Variants in CNTN5 observed in about 807,000 individuals in gnomAD.
CNTN5 encodes contactin-5.
Under a neutral mutation model 129.1 loss-of-function variants are expected in CNTN5, and 77 were observed. The ratio of observed to expected loss-of-function variants is 0.60; its 90% CI spans 0.50 to 0.72. CNTN5 has a LOEUF of 0.72. Ranked by LOEUF, CNTN5 falls within the 30% of genes least tolerant of loss-of-function variation. The probability of loss-of-function intolerance (pLI) is 0.00; values close to 1 mark genes in which losing one functional copy is unlikely to be tolerated. For synonymous variants in CNTN5, 509 were observed against 465.6 expected (o/e 1.09, Z -1.20); for missense variants, 1,478 against 1,328.8 (o/e 1.11, Z -1.75).
intron 9 of CNTN5, among the ~76,000 whole-genome samples, chr11:100,038,837 C>G (rs1044027141): frequency 6.6e-6 from 1 of 152,234 alleles, no homozygotes; most frequent in African/African-American, 2.4e-5. Context: ...CTTCCTCTAT[C>G]CCTTTATTTT....
At chr11:99,562,482 C>T (rs574333842) in intron 3 of CNTN5, among the ~76,000 whole-genome samples, 9 of 152,118 alleles carry the variant, frequency 5.9e-5, no homozygotes, top group East Asian at 3.9e-4. Flanking sequence ...CCTCTACATT[C>T]GTTACAAATA....
intron 2 of CNTN5, among the ~76,000 whole-genome samples, chr11:99,444,043 C>G (rs1322464043): frequency 1.3e-5 from 2 of 151,856 alleles, no homozygotes; most frequent in Non-Finnish European, 2.9e-5. Context: ...ACTAAAAATA[C>G]AAAAATTAGC....
chr11:99,323,640 C>A (rs1305189096), intron 1 of CNTN5, among the ~76,000 whole-genome samples: 1 of 151,778 alleles, frequency 6.6e-6, no homozygotes, highest in African/African-American at 2.4e-5. Context: ...GTAAAAAGAA[C>A]ACAAAATTCT....
Position 99,581,046 on chromosome 11 carries a change from G to A in CNTN5, c.55+24777G>A, listed in dbSNP as rs1402085560. 2.0e-5 allele frequency among the ~76,000 whole-genome samples: 3 copies of A among 148,570 alleles called. No homozygotes were observed. The East Asian group carries it at 5.9e-4, about 29-fold the overall frequency. On this transcript the variant is annotated intron_variant, in intron 3 of 24. Coordinates refer to ENST00000524871, the MANE Select transcript of CNTN5 (RefSeq NM_014361.4). ...GGTATGTTGTGTCTTTGTTCTCGTT[G>A]GTTTCAAAGAACATCTTTATTTCTG...
At chr11:99,198,162 T>G (rs1399040561) in intron 1 of CNTN5, among the ~76,000 whole-genome samples, 1 of 152,068 alleles carries the variant, frequency 6.6e-6, no homozygotes. Flanking sequence ...TTGCTTAAAT[T>G]TCTTTTCTGT....
intron 2 of CNTN5, among the ~76,000 whole-genome samples, chr11:99,341,019 G>A (rs937815382): frequency 1.1e-4 from 17 of 152,100 alleles, no homozygotes; most frequent in South Asian, 2.1e-4. Flanking sequence ...TTGGGTGACC[G>A]AAATACTTGA....
intron 1 of CNTN5, among the ~76,000 whole-genome samples, chr11:99,268,702 G>A (rs1019905264): frequency 6.6e-6 from 1 of 151,932 alleles, no homozygotes; most frequent in African/African-American, 2.4e-5. Context: ...ACAAATATGT[G>A]CTCAAATGTG....
At chr11:99,854,349 C>T (rs764918667) in intron 6 of CNTN5, among the ~76,000 whole-genome samples, 1 of 152,100 alleles carries the variant, frequency 6.6e-6, no homozygotes, top group African/African-American at 2.4e-5. Flanking sequence ...ATTTGCCCTA[C>T]GGGTATACAG....
chr11:99,279,493 T>A (rs1863596230), intron 1 of CNTN5, among the ~76,000 whole-genome samples: 1 of 151,820 alleles, frequency 6.6e-6, no homozygotes, highest in Non-Finnish European at 1.5e-5. Flanking sequence ...TAACTCCTAG[T>A]TCCTGACACT....
At chr11:99,243,207 A>G (rs745695556) in intron 1 of CNTN5, among the ~76,000 whole-genome samples, 1 of 151,986 alleles carries the variant, frequency 6.6e-6, no homozygotes, top group African/African-American at 2.4e-5. Context: ...TGTGGTTTTG[A>G]TTTGCATTGC....
chr11:99,214,665 A>G (rs915800271), intron 1 of CNTN5, among the ~76,000 whole-genome samples: 5 of 152,028 alleles, frequency 3.3e-5, no homozygotes, highest in African/African-American at 1.2e-4. Flanking sequence ...GATGGCTCTT[A>G]ACCAATCTGG....
intron 2 of CNTN5, among the ~76,000 whole-genome samples, chr11:99,422,315 T>A (rs1411985530): frequency 6.6e-6 from 1 of 151,790 alleles, no homozygotes; most frequent in Non-Finnish European, 1.5e-5. Flanking sequence ...AAGCATTTGA[T>A]TAGTATCATT....
chr11:99,778,729 A>G (rs190831813), intron 3 of CNTN5, among the ~76,000 whole-genome samples: 238 of 152,020 alleles, frequency 1.6e-3, no homozygotes, highest in African/African-American at 5.4e-3. Flanking sequence ...AAAAAAAATC[A>G]ATGTATTAAT....
At chr11:99,760,420 TA>T (rs1944540079) in intron 3 of CNTN5, among the ~76,000 whole-genome samples, 1 of 152,110 alleles carries the variant, frequency 6.6e-6, no homozygotes, top group Non-Finnish European at 1.5e-5. Flanking sequence ...ATATATGTTC[TA>T]AAACTGGACT....
intron 15 of CNTN5, among the ~76,000 whole-genome samples, chr11:100,222,199 CA>C (rs1949278875): frequency 6.6e-6 from 1 of 152,232 alleles, no homozygotes; most frequent in African/African-American, 2.4e-5. Flanking sequence ...TTTAACTCCT[CA>C]AATGGTCTTG....
chr11:99,497,423 C>CA (rs1946267637), intron 2 of CNTN5, among the ~76,000 whole-genome samples: 1 of 152,094 alleles, frequency 6.6e-6, no homozygotes, highest in South Asian at 2.1e-4. Context: ...GCTGAAGCCA[C>CA]AAAAAAGCTA....
intron 1 of CNTN5, among the ~76,000 whole-genome samples, chr11:99,199,745 A>G (rs1486508752): frequency 2.0e-5 from 3 of 152,210 alleles, no homozygotes; most frequent in African/African-American, 7.2e-5. Context: ...TAGCCAAACA[A>G]TTGGTTAGCT....
At chr11:100,022,460 A>G (rs1029610112) in intron 9 of CNTN5, among the ~76,000 whole-genome samples, 1 of 152,032 alleles carries the variant, frequency 6.6e-6, no homozygotes, top group African/African-American at 2.4e-5. Context: ...ATTTTATTCT[A>G]TTTTATCTCT....
intron 13 of CNTN5, among the ~76,000 whole-genome samples, chr11:100,170,904 A>AC (rs58116050): frequency 1.3e-5 from 2 of 151,508 alleles, no homozygotes; most frequent in East Asian, 1.9e-4. Flanking sequence ...CAAAAAAAAA[A>AC]CTTTTTATTT....
Sources: gnomAD v4.1 joint callset for allele counts (sites outside exome capture counted in the v4.1 genomes callset) on GRCh38, gnomAD v4.1.1 for gene constraint, MANE v1.5 for transcripts, NCBI Gene and HGNC (gene_info 2026-07-23, HGNC 2026-07-21) for gene names.